The following CCPG1 variants were observed in gnomAD, a reference collection of about 807,000 sequenced individuals.
CCPG1 encodes the protein cell cycle progression 1.
CCPG1 carries 46 observed loss-of-function variants against 81.3 expected under a neutral mutation model. The observed-to-expected ratio is 0.57, with a 90% confidence interval of 0.45 to 0.72. The LOEUF (loss-of-function observed/expected upper bound fraction) is 0.72, where lower values mean the gene tolerates loss of function less well. Among genes scored for constraint, CCPG1 ranks in the 30% least tolerant of loss-of-function variants. CCPG1 has a pLI of 0.00. For synonymous variants in CCPG1, 330 were observed against 305.2 expected (o/e 1.08, Z -0.85); for missense variants, 902 against 937.6 (o/e 0.96, Z 0.50).
At chr15:55,384,673 A>C (rs573500850) in intron 3 of CCPG1, among the ~76,000 whole-genome samples, 96 of 152,304 alleles carry the variant, frequency 6.3e-4, no homozygotes, top group African/African-American at 2.3e-3. Context: ...CAATAAAATA[A>C]AATAAAAATA....
At chr15:55,380,818 G>C (rs1229508705) in intron 3 of CCPG1, among the ~76,000 whole-genome samples, 1 of 150,918 alleles carries the variant, frequency 6.6e-6, no homozygotes, top group African/African-American at 2.4e-5. Flanking sequence ...TTCAAGACCA[G>C]CCTGACCAAC....
At chr15:55,379,222 A>G (rs190856696) in intron 3 of CCPG1, among the ~76,000 whole-genome samples, 134 of 145,728 alleles carry the variant, frequency 9.2e-4, no homozygotes, top group Middle Eastern at 7.1e-3. Context: ...AACATAAACT[A>G]TAAAAAACAA....
At chr15:55,385,055 C>T (rs911766371) in intron 3 of CCPG1, among the ~76,000 whole-genome samples, 1 of 152,198 alleles carries the variant, frequency 6.6e-6, no homozygotes, top group Non-Finnish European at 1.5e-5. Context: ...ACCTCTGTAG[C>T]AACAAAGTGT....
intron 3 of CCPG1, among the ~76,000 whole-genome samples, chr15:55,380,216 G>A (rs1245511554): frequency 2.0e-5 from 3 of 150,794 alleles, no homozygotes; most frequent in African/African-American, 7.3e-5. Flanking sequence ...CTAGATAAAA[G>A]AATTATAGAC....
At chr15:55,373,456 T>C (rs531129295) in intron 5 of CCPG1, among the ~76,000 whole-genome samples, 1 of 152,256 alleles carries the variant, frequency 6.6e-6, no homozygotes, top group African/African-American at 2.4e-5. Flanking sequence ...AGTATTCAGT[T>C]CACTTTCACA....
Position 55,360,617 on chromosome 15 carries a change from G to A in CCPG1, c.1156C>T (p.Leu386=). ...GTAGTTACTAGTCGTTCTCTCTCCA[G>A]TTCTCTCTTTAGCATCTTTGCTTCT... ...LTEAKMLKRE[L]ERERLVTTAL... is the part of the protein sequence containing the mutation. Residue 386 remains leucine (L), a synonymous_variant, in exon 8 of 9, where the codon CTG becomes TTG. Transcript: ENST00000442196. 1 of 1,614,124 alleles carries A rather than the reference G, an allele frequency of 6.2e-7. No individual in the cohort carries two copies. Among genetic ancestry groups the A allele is most frequent in the South Asian group, 1.1e-5 (1 of 91,084 alleles).
At chr15:55,396,390 T>C (rs1382414100) in intron 1 of CCPG1, among the ~76,000 whole-genome samples, 2 of 152,230 alleles carry the variant, frequency 1.3e-5, no homozygotes, top group African/African-American at 4.8e-5. Context: ...GGCTCAGGCT[T>C]CCTTTTATTC....
At chr15:55,372,898 G>T in intron 5 of CCPG1, 1 of 522,900 alleles carries the variant, frequency 1.9e-6, no homozygotes, top group South Asian at 1.4e-5. Flanking sequence ...CCATGATCAA[G>T]GTTCAAAGCA....
At chr15:55,371,714 C>T (rs140286989) in intron 6 of CCPG1, 79 bp downstream of exon 6, 2 of 1,398,866 alleles carry the variant, frequency 1.4e-6, no homozygotes, top group African/African-American at 2.9e-5. Flanking sequence ...GCACTGAAAA[C>T]AGATCCCAAG....
chr15:55,378,053 A>C (rs902615854), intron 4 of CCPG1, among the ~76,000 whole-genome samples: 2 of 152,190 alleles, frequency 1.3e-5, no homozygotes, highest in Admixed American at 6.5e-5. Context: ...TAACAGTTTA[A>C]TTTTTCAATA....
chr15:55,372,802 A>G (rs548810057), intron 5 of CCPG1: 2 of 359,808 alleles, frequency 5.6e-6, no homozygotes, highest in South Asian at 2.3e-5. Context: ...GTACACAAGC[A>G]TTTCCTGTGA....
At chr15:55,367,326 C>T (rs887152207) in intron 6 of CCPG1, among the ~76,000 whole-genome samples, 2 of 152,144 alleles carry the variant, frequency 1.3e-5, no homozygotes, top group Admixed American at 1.3e-4. Context: ...GGTCTGAATT[C>T]AAGATAGTAT....
intron 3 of CCPG1, among the ~76,000 whole-genome samples, chr15:55,381,358 G>C (rs2056690542): frequency 1.3e-5 from 2 of 151,452 alleles, no homozygotes; most frequent in African/African-American, 4.9e-5. Context: ...ACTTGAACCG[G>C]GGAGGCGGAG....
In CCPG1 at chr15:55,388,193, G is replaced by A. The variant is rs192790116; in HGVS notation, c.60+1172C>T. On this transcript the variant is annotated intron_variant, in intron 2 of 8. Coordinates refer to ENST00000442196, the MANE Select transcript of CCPG1 (RefSeq NM_001204450.2). ...AAAAGAAAAAAAGAAAACAAGTGAG[G>A]CTTACAATACCCTAAAAACAAATGG... 1.4e-4 allele frequency among the ~76,000 whole-genome samples: 21 copies of A among 151,922 alleles called. No individual in the cohort carries two copies. In the East Asian group the frequency reaches 2.9e-3, roughly 21 times the overall value.
At chr15:55,387,236 G>A (rs1245192725) in intron 2 of CCPG1, among the ~76,000 whole-genome samples, 1 of 152,188 alleles carries the variant, frequency 6.6e-6, no homozygotes, top group Admixed American at 6.5e-5. Context: ...CCAGACAGAG[G>A]TCTGCTGTCA....
chr15:55,361,159 GC>G (rs2056185443), intron 7 of CCPG1, among the ~76,000 whole-genome samples: 1 of 151,670 alleles, frequency 6.6e-6, no homozygotes, highest in African/African-American at 2.4e-5. Context: ...GAGAACTACA[GC>G]ATGGTGTAAG....
At chr15:55,385,902 A>G (rs528137004) in intron 2 of CCPG1, among the ~76,000 whole-genome samples, 188 bp from the exon 3 acceptor site, 9 of 152,338 alleles carry the variant, frequency 5.9e-5, no homozygotes, top group African/African-American at 2.2e-4. Context: ...AAATGGCACA[A>G]TGGAGTCTCA....
intron 3 of CCPG1, among the ~76,000 whole-genome samples, chr15:55,381,706 G>C (rs1053713073): frequency 6.6e-6 from 1 of 152,158 alleles, no homozygotes; most frequent in Non-Finnish European, 1.5e-5. Flanking sequence ...TTTTTAAAAA[G>C]TTAATGAAGT....
At chr15:55,356,871 CACT>C in intron 8 of CCPG1, 1 of 986,098 alleles carries the variant, frequency 1.0e-6, no homozygotes, top group East Asian at 1.1e-4. Context: ...AGGCTTCCGT[CACT>C]ACTTCACTGG....
Sources: gnomAD v4.1 joint callset for allele counts (sites outside exome capture counted in the v4.1 genomes callset) on GRCh38, gnomAD v4.1.1 for gene constraint, MANE v1.5 for transcripts, NCBI Gene and HGNC (gene_info 2026-07-23, HGNC 2026-07-21) for gene names.